The following R3HDM4 variants were observed in gnomAD, a reference collection of about 807,000 sequenced individuals.
R3HDM4 encodes the protein R3H domain containing 4, also known as R3H domain-containing protein 4.
In R3HDM4, 30 loss-of-function variants were observed where a neutral mutation model predicts 31.3. The observed-to-expected ratio is 0.96, with a 90% CI of 0.72 to 1.30. The LOEUF (loss-of-function observed/expected upper bound fraction) is 1.30. Among genes scored for constraint, R3HDM4 ranks in the 50% most tolerant of loss-of-function variants. The probability of loss-of-function intolerance (pLI) is 0.00; values close to 1 mark genes in which losing one functional copy is unlikely to be tolerated. For missense variants in R3HDM4, 444 were observed against 366.1 expected, an observed-to-expected ratio of 1.21 and a Z score of -1.74; for synonymous variants, 196 against 156.6, an observed-to-expected ratio of 1.25 and a Z score of -1.88.
Position 900,104 on chromosome 19 carries a change from C to G in R3HDM4, c.518G>C (p.Ser173Thr). ...YTPRECFQRISRRLRAVLKRS... is the reference protein window; with the variant it reads ...YTPRECFQRITRRLRAVLKRS... ...CTTGAGGACGGCTCGCAGACGCCGG[C>G]TGATGCGCTGGAAGCACTCGCGGGG... The change falls in exon 5 of 8, where the codon AGC becomes ACC. Residue 173 changes from serine to threonine, a missense_variant. Physicochemically the swap from Ser to Thr is moderately conservative, Grantham distance 58 (BLOSUM62 1). Transcript: ENST00000361574. The G allele has an allele frequency of 6.2e-7, 1 of 1,606,606 alleles. No individual in the cohort carries two copies. The highest frequency in any genetic ancestry group is 1.1e-5 in the South Asian group (1 of 90,510).
chr19:903,241 AC>A (rs71335320), intron 1 of R3HDM4, among the ~76,000 whole-genome samples: 4,671 of 142,830 alleles, frequency 0.033, 92 homozygotes, highest in African/African-American at 0.058. Context: ...CCCCCCGCAA[AC>A]CCCCCCCTTA....
chr19:901,726 C>G, intron 2 of R3HDM4, 180 bp from the exon 3 acceptor site: 1 of 917,548 alleles, frequency 1.1e-6, no homozygotes, highest in Non-Finnish European at 1.6e-6. Context: ...GATTGTCGAA[C>G]TCCTATATAT....
At position 909,340 on chromosome 19, in the gene R3HDM4, C is replaced by T. The variant is rs1043529376; in HGVS notation, c.71+3747G>A. On this transcript the variant is annotated intron_variant, in intron 1 of 7. Transcript: ENST00000361574. ...TGCATCAGGAAGCCAGGGCTCAGGGCGGAGGTGACTCAGCCTGGGGTGGGG... is the reference window on the plus strand; with the variant it reads ...TGCATCAGGAAGCCAGGGCTCAGGGTGGAGGTGACTCAGCCTGGGGTGGGG... Among the ~76,000 whole-genome samples, 3 of 152,158 alleles carry T rather than the reference C, an allele frequency of 2.0e-5. No individual in the cohort carries two copies. The South Asian group carries it at 6.2e-4, about 32-fold the overall frequency.
chr19:899,385 C>T lies in R3HDM4; in HGVS notation c.703+55G>A, dbSNP rs1274401293. 6.3e-6 allele frequency: 10 copies of T among 1,586,384 alleles called. No homozygotes were observed. The highest frequency in any genetic ancestry group is 1.7e-5 in the Admixed American group (1 of 59,938). On this transcript the variant is annotated intron_variant, in intron 7 of 7. Coordinates refer to ENST00000361574, the MANE Select transcript of R3HDM4 (RefSeq NM_138774.4). The surrounding 1 kb of genome is among the most constrained non-coding windows in gnomAD (Gnocchi z 6.8). ...GGAACCAGGCCCCTGGGACCCTGGCCACTTTCCCAGGTTGAGCTGGCCAAC... is the reference window on the plus strand; with the variant it reads ...GGAACCAGGCCCCTGGGACCCTGGCTACTTTCCCAGGTTGAGCTGGCCAAC...
chr19:908,234 C>G (rs959370394), intron 1 of R3HDM4, among the ~76,000 whole-genome samples: 1 of 151,864 alleles, frequency 6.6e-6, no homozygotes, highest in Non-Finnish European at 1.5e-5. Flanking sequence ...AAACATCTGG[C>G]CTCTGGGGTA....
intron 1 of R3HDM4, among the ~76,000 whole-genome samples, chr19:903,554 G>A (rs965702274): frequency 5.9e-5 from 9 of 152,170 alleles, no homozygotes; most frequent in Admixed American, 3.9e-4. Context: ...CCTGGGAAGC[G>A]GGCCGGTGAG....
rs746040012 is a variant in R3HDM4, at chr19:899,580, C to T, written c.647+21G>A. On this transcript the variant is annotated intron_variant, in intron 6 of 7. Transcript: ENST00000361574. This position sits in a 1 kb window ranked among gnomAD's most constrained non-coding sequence, Gnocchi z 6.8. ...TGGCCGCAGCCTCGGAGGGTCCGCT[C>T]GCCTGGCCGCCCCCCCTTACCTGTT... The T allele has an allele frequency of 3.8e-5, 61 of 1,611,942 alleles. No homozygotes were observed. Among genetic ancestry groups the T allele is most frequent in the Middle Eastern group, 1.6e-4 (1 of 6,078 alleles).
At chr19:906,312 C>T (rs8103046) in intron 1 of R3HDM4, among the ~76,000 whole-genome samples, 25,996 of 150,222 alleles carry the variant, frequency 0.17, 2,295 homozygotes, top group South Asian at 0.3. Flanking sequence ...CTCTGCCTCC[C>T]GGGTTCACGC....
At chr19:903,570 G>T (rs34900560) in intron 1 of R3HDM4, among the ~76,000 whole-genome samples, 167 of 152,114 alleles carry the variant, frequency 1.1e-3, no homozygotes, top group African/African-American at 3.6e-3. Context: ...GTGAGGGGGG[G>T]CCTCATGGAT....
chr19:899,501 G>A lies in R3HDM4; in HGVS notation c.648-6C>T. On this transcript the variant is annotated splice_region_variant and splice_polypyrimidine_tract_variant and intron_variant, in intron 6 of 7. Coordinates refer to ENST00000361574, the MANE Select transcript of R3HDM4 (RefSeq NM_138774.4). The surrounding 1 kb of genome is among the most constrained non-coding windows in gnomAD (Gnocchi z 6.8). ...GCAGCAGAAGCCTCTCGAAGCTGTG[G>A]GGAACGGGCAGTGAGCGCCGTGCAG... 1 of 1,613,680 alleles carries A rather than the reference G, an allele frequency of 6.2e-7. No individual in the cohort carries two copies. Among genetic ancestry groups the A allele is most frequent in the South Asian group, 1.1e-5 (1 of 91,086 alleles).
chr19:904,451 A>G (rs2145294669), intron 1 of R3HDM4, among the ~76,000 whole-genome samples: 1 of 152,264 alleles, frequency 6.6e-6, no homozygotes, highest in South Asian at 2.1e-4. Context: ...AGAGTTCCCA[A>G]CACAAAAATT....
chr19:902,293 T>G, intron 1 of R3HDM4, 163 bp from the exon 2 acceptor site: 1 of 696,220 alleles, frequency 1.4e-6, no homozygotes, highest in Non-Finnish European at 2.4e-6. Flanking sequence ...TGTTTCATCC[T>G]CACATCACAG....
In R3HDM4 at chr19:899,790, C is replaced by T; in HGVS notation, c.562-104G>A. On this transcript the variant is annotated intron_variant, in intron 5 of 7. Transcript: ENST00000361574. This position sits in a 1 kb window ranked among gnomAD's most constrained non-coding sequence, Gnocchi z 6.8. The stretch of plus-strand genomic sequence containing the variant: ...CCCACAGCGCTGGGCTCAAACATGA[C>T]CTCTGACCCACCACGTGAGGCTGCT... 2 of 941,612 alleles carry T rather than the reference C, an allele frequency of 2.1e-6. No individual in the cohort carries two copies. Among genetic ancestry groups the T allele is most frequent in the Non-Finnish European group, 3.1e-6 (2 of 638,862 alleles). The allele number at this position is 941,612 out of a possible 1,614,324, so 58.3% of individuals were successfully genotyped here.
chr19:897,478 G>A lies in R3HDM4; in HGVS notation c.766C>T (p.Pro256Ser). 1 of 1,612,854 alleles carries A rather than the reference G, an allele frequency of 6.2e-7. No individual in the cohort carries two copies. The highest frequency in any genetic ancestry group is 1.1e-5 in the South Asian group (1 of 90,954). The change falls in exon 8 of 8, where the codon CCG becomes TCG. Residue 256 changes from proline (P) to serine (S), a missense_variant. Coordinates refer to ENST00000361574, the MANE Select transcript of R3HDM4 (RefSeq NM_138774.4). ...VSNRHLDFLP[P>S]GLLLSAYLEQ... Reference sequence around the variant, plus strand: ...AGGTAGGCGGACAGGAGCAGCCCCGGCGGCAGGAAATCCAGGTGCCGATTA... The same window carrying A: ...AGGTAGGCGGACAGGAGCAGCCCCGACGGCAGGAAATCCAGGTGCCGATTA...
chr19:901,562 T>A lies in R3HDM4; in HGVS notation c.227-16A>T, dbSNP rs1322562753. ...AGGTACTGGGCTAGGTGGAAACAGA[T>A]GCTCTCTGGGCCGGGGTGGCATTTG... is the stretch of plus-strand genomic sequence containing the variant. On this transcript the variant is annotated splice_polypyrimidine_tract_variant and intron_variant, in intron 2 of 7. Coordinates refer to ENST00000361574, the MANE Select transcript of R3HDM4 (RefSeq NM_138774.4). 1 of 1,595,152 alleles carries A rather than the reference T, an allele frequency of 6.3e-7. No individual in the cohort carries two copies. The highest frequency in any genetic ancestry group is 1.1e-5 in the South Asian group (1 of 90,650).
intron 1 of R3HDM4, among the ~76,000 whole-genome samples, chr19:910,239 C>T (rs1219027409): frequency 3.3e-5 from 5 of 151,896 alleles, no homozygotes; most frequent in African/African-American, 1.2e-4. Flanking sequence ...GGAGGAGAAT[C>T]GCTTGAACCT....
chr19:899,819 G>C lies in R3HDM4; in HGVS notation c.562-133C>G. 1 of 794,838 alleles carries C rather than the reference G, an allele frequency of 1.3e-6. No homozygotes were observed. The highest frequency in any genetic ancestry group is 1.8e-5 in the South Asian group (1 of 54,608). 49.2% of individuals were successfully genotyped at this position (794,838 alleles called of 1,614,324 possible). On this transcript the variant is annotated intron_variant, in intron 5 of 7. Transcript: ENST00000361574. This position sits in a 1 kb window ranked among gnomAD's most constrained non-coding sequence, Gnocchi z 6.8. ...TGACCCACCACGTGAGGCTGCTTAA[G>C]TGTCTCTGAGGCCACCATGCCACCT...
chr19:904,379 A>G (rs953544088), intron 1 of R3HDM4, among the ~76,000 whole-genome samples: 4 of 152,062 alleles, frequency 2.6e-5, no homozygotes, highest in African/African-American at 9.7e-5. Flanking sequence ...CACCAAATCA[A>G]TCCTCAATAA....
At position 912,273 on chromosome 19, in the gene R3HDM4, G is replaced by A. The variant is rs964244589; in HGVS notation, c.71+814C>T. On this transcript the variant is annotated intron_variant, in intron 1 of 7. Transcript: ENST00000361574. ...TGGGGGGGGTGGACCAGGGAGTTGG[G>A]GGGCGGACTGGGGAGTGGGGGGACA... Among the ~76,000 whole-genome samples, 6 of 30,588 alleles carry A rather than the reference G, an allele frequency of 2.0e-4. No individual in the cohort carries two copies. In the East Asian group the frequency reaches 0.01, roughly 53 times the overall value. The allele number at this position is 30,588 out of a possible 152,430, so 20.1% of individuals were successfully genotyped here.
Sources: allele counts gnomAD v4.1 joint callset (sites outside exome capture counted in the v4.1 genomes callset), GRCh38; gene constraint gnomAD v4.1.1; non-coding constraint Gnocchi (gnomAD v3.1); transcripts MANE v1.5; gene names NCBI Gene and HGNC (gene_info 2026-07-23, HGNC 2026-07-21).